The following NAB1 variants were observed in gnomAD, a reference collection of about 807,000 sequenced individuals.
NAB1 encodes NGFI-A-binding protein 1.
In NAB1, 25 loss-of-function variants were observed where a neutral mutation model predicts 49.9. The observed-to-expected ratio is 0.50, with a 90% confidence interval of 0.37 to 0.70. The LOEUF is 0.70. Ranked by LOEUF, NAB1 falls within the 30% of genes least tolerant of loss-of-function variation. The pLI, the probability that NAB1 is intolerant of heterozygous loss-of-function variation, is 0.00. For synonymous variants in NAB1, 198 were observed against 215.6 expected, an observed-to-expected ratio of 0.92 and a Z score of 0.71; for missense variants, 489 against 575.9, an observed-to-expected ratio of 0.85 and a Z score of 1.54.
intron 2 of NAB1, among the ~76,000 whole-genome samples, chr2:190,650,401 T>C (rs1359622053): frequency 6.6e-6 from 1 of 152,174 alleles, no homozygotes; most frequent in Non-Finnish European, 1.5e-5. Flanking sequence ...TGTTTAAAAA[T>C]ATTTTGGCAG....
rs889703663 is a variant in NAB1 at position 190,684,728 on chromosome 2, A to G, written c.1096-748A>G. 6.6e-6 allele frequency among the ~76,000 whole-genome samples: 1 copy of G among 152,118 alleles called. No homozygotes were observed. The highest frequency in any genetic ancestry group is 1.9e-4 in the East Asian group (1 of 5,194). The stretch of plus-strand genomic sequence containing the variant: ...TAGTGATTCATATCTGTGCATTTTG[A>G]CTATTATCTCCTTGGCAAAATACCA... On this transcript the variant is annotated intron_variant, in intron 7 of 9. Coordinates refer to ENST00000337386, the MANE Select transcript of NAB1 (RefSeq NM_005966.4). The surrounding 1 kb of genome is among the most constrained non-coding windows in gnomAD (Gnocchi z 4.6).
Position 190,685,736 on chromosome 2 carries a change from G to T in NAB1, c.1258+98G>T. 9.8e-7 allele frequency: 1 copy of T among 1,017,064 alleles called. No homozygotes were observed. Among genetic ancestry groups the T allele is most frequent in the African/African-American group, 1.7e-5 (1 of 60,362 alleles). 63.0% of individuals were successfully genotyped at this position (1,017,064 alleles called of 1,614,324 possible). Reference sequence around the variant, plus strand: ...GATTTTTAAATTATGATATTTTGTAGAGATTATTTTACAGGTTCTCTTATC... The same window carrying T: ...GATTTTTAAATTATGATATTTTGTATAGATTATTTTACAGGTTCTCTTATC... On this transcript the variant is annotated intron_variant, in intron 8 of 9. Coordinates refer to ENST00000337386, the MANE Select transcript of NAB1 (RefSeq NM_005966.4). The surrounding 1 kb of genome is among the most constrained non-coding windows in gnomAD (Gnocchi z 4.5).
chr2:190,667,105 G>GT lies in NAB1; in HGVS notation c.820-3215dup, dbSNP rs1381718004. On this transcript the variant is annotated intron_variant, in intron 4 of 9. Coordinates refer to ENST00000337386, the MANE Select transcript of NAB1 (RefSeq NM_005966.4). The surrounding 1 kb of genome is among the most constrained non-coding windows in gnomAD (Gnocchi z 4.4). Reference sequence around the variant, plus strand: ...AGCTAGAGTTACTTCTCCAGCCTCAGTTTTTTACCAGGTTCCCTGAGGGCC... The same window carrying GT: ...AGCTAGAGTTACTTCTCCAGCCTCAGTTTTTTTACCAGGTTCCCTGAGGGCC... Among the ~76,000 whole-genome samples, 1 of 152,158 alleles carries GT rather than the reference G, an allele frequency of 6.6e-6. No individual in the cohort carries two copies. The highest frequency in any genetic ancestry group is 2.4e-5 in the African/African-American group (1 of 41,438).
Position 190,652,644 on chromosome 2 carries a change from A to G in NAB1, c.-197+2662A>G, listed in dbSNP as rs780652754. ...TTTTAAGTTTCCCAAATTACAGTCA[A>G]TTCATTAGAAGGTATATATTTAATT... On this transcript the variant is annotated intron_variant, in intron 2 of 9. Coordinates refer to ENST00000337386, the MANE Select transcript of NAB1 (RefSeq NM_005966.4). This position sits in a 1 kb window ranked among gnomAD's most constrained non-coding sequence, Gnocchi z 4.2. Among the ~76,000 whole-genome samples, 8 of 152,196 alleles carry G rather than the reference A, an allele frequency of 5.3e-5. No individual in the cohort carries two copies. The highest frequency in any genetic ancestry group is 7.4e-5 in the Non-Finnish European group (5 of 68,026).
intron 4 of NAB1, among the ~76,000 whole-genome samples, chr2:190,662,551 T>C (rs1694280695): frequency 2.0e-5 from 3 of 152,016 alleles, no homozygotes; most frequent in East Asian, 3.9e-4. Flanking sequence ...AGAGGCGATA[T>C]CAGAAAAAAG....
intron 6 of NAB1, among the ~76,000 whole-genome samples, chr2:190,673,782 T>C (rs751430122): frequency 6.6e-6 from 1 of 152,238 alleles, no homozygotes; most frequent in African/African-American, 2.4e-5. Flanking sequence ...CTCTTTTGAT[T>C]TTAGATTTGC....
chr2:190,685,709 C>A lies in NAB1; in HGVS notation c.1258+71C>A. The A allele has an allele frequency of 8.4e-7, 1 of 1,195,858 alleles. No homozygotes were observed. The highest frequency in any genetic ancestry group is 1.1e-6 in the Non-Finnish European group (1 of 910,600). 74.1% of individuals were successfully genotyped at this position (1,195,858 alleles called of 1,614,324 possible). On this transcript the variant is annotated intron_variant, in intron 8 of 9. Transcript: ENST00000337386. The surrounding 1 kb of genome is among the most constrained non-coding windows in gnomAD (Gnocchi z 4.5). ...TTCAAAGAGAAACAGAAGACAGTGG[C>A]TGATTTTTAAATTATGATATTTTGT...
In NAB1 at chr2:190,651,640, C is replaced by T. The variant is rs1047096195; in HGVS notation, c.-197+1658C>T. On this transcript the variant is annotated intron_variant, in intron 2 of 9. Coordinates refer to ENST00000337386, the MANE Select transcript of NAB1 (RefSeq NM_005966.4). The surrounding 1 kb of genome is among the most constrained non-coding windows in gnomAD (Gnocchi z 4.3). ...CAAGGGATTATCCCACCTTAGCCTCCGAAGTTATGTCAGGTTTCATTGGCC... is the reference window on the plus strand; with the variant it reads ...CAAGGGATTATCCCACCTTAGCCTCTGAAGTTATGTCAGGTTTCATTGGCC... Among the ~76,000 whole-genome samples, 9 of 152,038 alleles carry T rather than the reference C, an allele frequency of 5.9e-5. No individual in the cohort carries two copies. Among genetic ancestry groups the T allele is most frequent in the Non-Finnish European group, 1.3e-4 (9 of 68,016 alleles).
Position 190,670,631 on chromosome 2 carries a change from G to A in NAB1, c.953+172G>A, listed in dbSNP as rs1243491437. Among the ~76,000 whole-genome samples the A allele has an allele frequency of 6.6e-6, 1 of 152,142 alleles. No individual in the cohort carries two copies. Among genetic ancestry groups the A allele is most frequent in the Non-Finnish European group, 1.5e-5 (1 of 68,012 alleles). On this transcript the variant is annotated intron_variant, in intron 5 of 9. Coordinates refer to ENST00000337386, the MANE Select transcript of NAB1 (RefSeq NM_005966.4). The surrounding 1 kb of genome is among the most constrained non-coding windows in gnomAD (Gnocchi z 5.3). The stretch of plus-strand genomic sequence containing the variant: ...AAACATTGCCAAGGTGATTTTTGTT[G>A]TTTAATTCTCACTGTTCTCTTTTGA...
In NAB1 at chr2:190,669,131, C is replaced by T. The variant is rs766997217; in HGVS notation, c.820-1195C>T. On this transcript the variant is annotated intron_variant, in intron 4 of 9. Transcript: ENST00000337386. This position sits in a 1 kb window ranked among gnomAD's most constrained non-coding sequence, Gnocchi z 4.3. ...CAGGAGTATAGACAGTGTAGATACA[C>T]TGGACAAAGGGATGATTCATCACTT... 3.3e-5 allele frequency among the ~76,000 whole-genome samples: 5 copies of T among 152,050 alleles called. No individual in the cohort carries two copies. Among genetic ancestry groups the T allele is most frequent in the Non-Finnish European group, 5.9e-5 (4 of 68,016 alleles).
rs564223700 is a variant in NAB1 at position 190,682,643 on chromosome 2, C to G, written c.1006-1095C>G. ...TAGAGGGTAGATTTAAGTACTGAAC[C>G]AAATTTCTGAAGCAGAATTTCTCTA... On this transcript the variant is annotated intron_variant, in intron 6 of 9. Transcript: ENST00000337386. This position sits in a 1 kb window ranked among gnomAD's most constrained non-coding sequence, Gnocchi z 4.1. Among the ~76,000 whole-genome samples, 1 of 152,174 alleles carries G rather than the reference C, an allele frequency of 6.6e-6. No homozygotes were observed. Among genetic ancestry groups the G allele is most frequent in the African/African-American group, 2.4e-5 (1 of 41,496 alleles).
At position 190,657,639 on chromosome 2, in the gene NAB1, C is replaced by T. The variant is rs1406952249; in HGVS notation, c.-20+1486C>T. On this transcript the variant is annotated intron_variant, in intron 3 of 9. Transcript: ENST00000337386. The surrounding 1 kb of genome is among the most constrained non-coding windows in gnomAD (Gnocchi z 4.4). Reference sequence around the variant, plus strand: ...TGCAAAGAAAGAGACATAAAATTTGCGGAAGTCAAAACAGATGTGGATGAC... The same window carrying T: ...TGCAAAGAAAGAGACATAAAATTTGTGGAAGTCAAAACAGATGTGGATGAC... 6.6e-6 allele frequency among the ~76,000 whole-genome samples: 1 copy of T among 152,142 alleles called. No individual in the cohort carries two copies. Among genetic ancestry groups the T allele is most frequent in the Non-Finnish European group, 1.5e-5 (1 of 68,026 alleles).
rs1275694909 is a variant in NAB1, at chr2:190,657,161, G to T, written c.-20+1008G>T. Among the ~76,000 whole-genome samples the T allele has an allele frequency of 6.6e-6, 1 of 152,146 alleles. No homozygotes were observed. The highest frequency in any genetic ancestry group is 1.5e-5 in the Non-Finnish European group (1 of 68,022). On this transcript the variant is annotated intron_variant, in intron 3 of 9. Transcript: ENST00000337386. This position sits in a 1 kb window ranked among gnomAD's most constrained non-coding sequence, Gnocchi z 4.4. ...TATAGCAGCCCTTCTATTTGGTATAGTGTAGTTTAATATAGCTCTAAACTT... is the reference window on the plus strand; with the variant it reads ...TATAGCAGCCCTTCTATTTGGTATATTGTAGTTTAATATAGCTCTAAACTT...
In NAB1 at chr2:190,674,464, A is replaced by G. The variant is rs1242444109; in HGVS notation, c.1005+1312A>G. On this transcript the variant is annotated intron_variant, in intron 6 of 9. Transcript: ENST00000337386. This position sits in a 1 kb window ranked among gnomAD's most constrained non-coding sequence, Gnocchi z 5.7. ...TCTCCCCAAAATCACACTCAGGCTT[A>G]TTCTCCTGGTTTGTTTTCATAGCAT... is the stretch of plus-strand genomic sequence containing the variant. 6.6e-6 allele frequency among the ~76,000 whole-genome samples: 1 copy of G among 152,106 alleles called. No homozygotes were observed. Among genetic ancestry groups the G allele is most frequent in the African/African-American group, 2.4e-5 (1 of 41,408 alleles).
intron 4 of NAB1, among the ~76,000 whole-genome samples, chr2:190,664,078 G>A (rs1400812399): frequency 1.5e-4 from 23 of 152,146 alleles, no homozygotes; most frequent in Admixed American, 1.5e-3. Flanking sequence ...TGTTAGTAGA[G>A]TGTTCTATAT....
chr2:190,688,059 T>A (rs2125883730), intron 9 of NAB1, among the ~76,000 whole-genome samples: 1 of 152,298 alleles, frequency 6.6e-6, no homozygotes, highest in East Asian at 1.9e-4. Context: ...GTAAAGTGAG[T>A]TAGACCTAGT....
chr2:190,662,291 G>A (rs1694265833), intron 4 of NAB1, among the ~76,000 whole-genome samples: 1 of 151,692 alleles, frequency 6.6e-6, no homozygotes, highest in Non-Finnish European at 1.5e-5. Context: ...TTTCTTGTAA[G>A]AAGAAGAAAA....
Position 190,652,443 on chromosome 2 carries a change from A to G in NAB1, c.-197+2461A>G, listed in dbSNP as rs1693716273. On this transcript the variant is annotated intron_variant, in intron 2 of 9. Coordinates refer to ENST00000337386, the MANE Select transcript of NAB1 (RefSeq NM_005966.4). The surrounding 1 kb of genome is among the most constrained non-coding windows in gnomAD (Gnocchi z 4.2). The stretch of plus-strand genomic sequence containing the variant: ...ATTTGCCTATTGTTACTATAGTTAA[A>G]TGAATAAATACATAGTTATCATTTA... Among the ~76,000 whole-genome samples the G allele has an allele frequency of 6.6e-6, 1 of 152,230 alleles. No homozygotes were observed.
intron 6 of NAB1, among the ~76,000 whole-genome samples, chr2:190,683,298 T>A (rs1202630674): frequency 2.5e-5 from 1 of 39,720 alleles, no homozygotes; most frequent in Non-Finnish European, 4.2e-5. Context: ...TCCCAGCTAA[T>A]TTTTTTTTTT....
Sources: gnomAD v4.1 joint callset for allele counts (sites outside exome capture counted in the v4.1 genomes callset) on GRCh38, gnomAD v4.1.1 for gene constraint, Gnocchi (gnomAD v3.1) non-coding constraint, MANE v1.5 for transcripts, NCBI Gene and HGNC (gene_info 2026-07-23, HGNC 2026-07-21) for gene names.